CSNK1A1: variants seen among roughly 807,000 people sequenced by gnomAD.
The protein encoded by CSNK1A1 is casein kinase I isoform alpha.
A neutral mutation model predicts 46.1 loss-of-function variants in CSNK1A1; 7 were observed. That is an observed-to-expected ratio of 0.15 (90% CI 0.09 to 0.29). The LOEUF is 0.29. CSNK1A1 is among the 10% of genes least tolerant of loss of function. The pLI is 1.00. For synonymous variants in CSNK1A1, 137 were observed against 141.5 expected, an observed-to-expected ratio of 0.97 and a Z score of 0.23; for missense variants, 96 against 417.1, an observed-to-expected ratio of 0.23 and a Z score of 6.71.
chr5:149,498,162 T>C (rs1160926210), intron 9 of CSNK1A1: 1 of 985,226 alleles, frequency 1.0e-6, no homozygotes, highest in African/African-American at 1.7e-5. Context: ...TGTTGGGCCA[T>C]CTCCCATGGG....
chr5:149,512,255 A>T (rs1262874324), intron 5 of CSNK1A1, among the ~76,000 whole-genome samples: 1 of 152,138 alleles, frequency 6.6e-6, no homozygotes, highest in Non-Finnish European at 1.5e-5. Flanking sequence ...CTAATTGAAC[A>T]TCTATATGAA....
chr5:149,531,209 G>A (rs12522122), intron 2 of CSNK1A1, among the ~76,000 whole-genome samples: 38,097 of 151,884 alleles, frequency 0.25, 5,308 homozygotes, highest in Admixed American at 0.4. Context: ...CAATTATAGC[G>A]AAATTGAACT....
At chr5:149,526,778 A>AG (rs539537762) in intron 2 of CSNK1A1, among the ~76,000 whole-genome samples, 2,744 of 151,776 alleles carry the variant, frequency 0.018, 35 homozygotes, top group Non-Finnish European at 0.027. Context: ...CACCTGAGAA[A>AG]GGGGGGGGAG....
intron 9 of CSNK1A1, chr5:149,503,619 A>G (rs1760940308): frequency 1.0e-6 from 1 of 985,320 alleles, no homozygotes; most frequent in Non-Finnish European, 1.2e-6. Context: ...ACAATACAAA[A>G]TAAGGATTAA....
chr5:149,505,309 G>A (rs1358003904), intron 9 of CSNK1A1, 138 bp downstream of exon 9: 14 of 1,421,208 alleles, frequency 9.9e-6, no homozygotes, highest in Middle Eastern at 1.8e-4. Flanking sequence ...TTCCAAGGAC[G>A]TCTTTTTTTT....
At chr5:149,549,461 G>A (rs1044807816) in intron 2 of CSNK1A1, 1 of 702,294 alleles carries the variant, frequency 1.4e-6, no homozygotes, top group East Asian at 2.7e-5. Flanking sequence ...CCTCCACACC[G>A]CCTCCTGCAG....
chr5:149,500,731 GTGTGGT>G (rs1258784083), intron 9 of CSNK1A1, among the ~76,000 whole-genome samples: 2 of 151,850 alleles, frequency 1.3e-5, no homozygotes, highest in African/African-American at 4.8e-5. Context: ...CTGGCTGCTT[GTGTGGT>G]TCTGTTTGTT....
At chr5:149,518,028 T>C (rs1164941325) in intron 4 of CSNK1A1, among the ~76,000 whole-genome samples, 1 of 152,216 alleles carries the variant, frequency 6.6e-6, no homozygotes, top group African/African-American at 2.4e-5. Flanking sequence ...GCTTCTCAGT[T>C]TTCCAAATAA....
At chr5:149,537,482 T>C (rs946813245) in intron 2 of CSNK1A1, among the ~76,000 whole-genome samples, 4 of 152,098 alleles carry the variant, frequency 2.6e-5, no homozygotes, top group Admixed American at 2.6e-4. Context: ...ATTCACTAAC[T>C]ACCCTCAACA....
At chr5:149,543,883 G>C (rs945446342) in intron 2 of CSNK1A1, among the ~76,000 whole-genome samples, 15 of 152,150 alleles carry the variant, frequency 9.9e-5, no homozygotes, top group Non-Finnish European at 5.9e-5. Flanking sequence ...CCGGGTGACA[G>C]AGCAAGAACC....
In CSNK1A1 at chr5:149,493,486, GGTCTA is replaced by G; in HGVS notation, c.*3362_*3366del. Reference sequence around the variant, plus strand: ...TACTTTTGAGTATGTCCTCAAAACTGGTCTAACAAGTCATTTCAGAAAATAATTTC... The same window carrying G: ...TACTTTTGAGTATGTCCTCAAAACTGACAAGTCATTTCAGAAAATAATTTC... On this transcript the variant is annotated 3_prime_UTR_variant, in exon 10 of 10. Transcript: ENST00000377843. The G allele has an allele frequency of 6.6e-6, 1 of 150,960 alleles. No individual in the cohort carries two copies. Among genetic ancestry groups the G allele is most frequent in the Middle Eastern group, 3.4e-3 (1 of 292 alleles). The allele number at this position is 150,960 out of a possible 1,614,324, so 9.4% of individuals were successfully genotyped here.
chr5:149,517,687 C>G lies in CSNK1A1; in HGVS notation c.456+2603G>C. 1 of 716,094 alleles carries G rather than the reference C, an allele frequency of 1.4e-6. No individual in the cohort carries two copies. The highest frequency in any genetic ancestry group is 2.4e-6 in the Non-Finnish European group (1 of 419,644). The allele number at this position is 716,094 out of a possible 1,614,324, so 44.4% of individuals were successfully genotyped here. ...AACGTAAGAGGTGCTTGAGCAAGATCTACATTCTCCAGAATTAAAACAAAA... is the reference window on the plus strand; with the variant it reads ...AACGTAAGAGGTGCTTGAGCAAGATGTACATTCTCCAGAATTAAAACAAAA... On this transcript the variant is annotated intron_variant, in intron 4 of 9. Transcript: ENST00000377843. This position sits in a 1 kb window ranked among gnomAD's most constrained non-coding sequence, Gnocchi z 4.4.
chr5:149,505,309 G>T (rs1358003904), intron 9 of CSNK1A1, 138 bp downstream of exon 9: 9 of 1,421,092 alleles, frequency 6.3e-6, no homozygotes, highest in Non-Finnish European at 8.3e-6. Context: ...TTCCAAGGAC[G>T]TCTTTTTTTT....
rs183999539 is a variant in CSNK1A1 at position 149,542,293 on chromosome 5, G to C, written c.230+7782C>G. 3.7e-3 allele frequency among the ~76,000 whole-genome samples: 561 copies of C among 152,058 alleles called. 9 individuals carry two copies. The South Asian group carries it at 0.049, about 13-fold the overall frequency. On this transcript the variant is annotated intron_variant, in intron 2 of 9. Transcript: ENST00000377843. ...CCCAGATGGAAGCAGGTAGTTGCAGGAAAGCAAGCCCAGGGCTCCCATTGA... is the reference window on the plus strand; with the variant it reads ...CCCAGATGGAAGCAGGTAGTTGCAGCAAAGCAAGCCCAGGGCTCCCATTGA...
At chr5:149,510,348 T>G (rs929905526) in intron 6 of CSNK1A1, among the ~76,000 whole-genome samples, 4 of 152,164 alleles carry the variant, frequency 2.6e-5, no homozygotes, top group Non-Finnish European at 4.4e-5. Context: ...TAATTCCCTG[T>G]GGCCTCCAAC....
chr5:149,534,536 G>A (rs567486916), intron 2 of CSNK1A1, among the ~76,000 whole-genome samples: 282 of 150,436 alleles, frequency 1.9e-3, no homozygotes, highest in Non-Finnish European at 3.5e-3. Context: ...GTTAGCACCT[G>A]GGCTAAATTT....
At chr5:149,510,037 A>G (rs1171663823) in intron 6 of CSNK1A1, 84 bp from the exon 7 acceptor site, 2 of 827,968 alleles carry the variant, frequency 2.4e-6, no homozygotes, top group Admixed American at 5.7e-5. Context: ...ACATATAAAC[A>G]TATACCTGTG....
rs1166457620 is a variant in CSNK1A1 at position 149,495,042 on chromosome 5, A to C, written c.*1811T>G. 1 of 152,202 alleles carries C rather than the reference A, an allele frequency of 6.6e-6. No individual in the cohort carries two copies. The highest frequency in any genetic ancestry group is 2.4e-5 in the African/African-American group (1 of 41,458). 9.4% of individuals were successfully genotyped at this position (152,202 alleles called of 1,614,324 possible). A position where few individuals can be genotyped will look rare whatever the true frequency, so the allele number is the denominator to read the frequency against. On this transcript the variant is annotated 3_prime_UTR_variant, in exon 10 of 10. Coordinates refer to ENST00000377843, the MANE Select transcript of CSNK1A1 (RefSeq NM_001892.6). ...GGCTAAAAGTATCAAAGGGTTTATT[A>C]GTCAAGAAACAAATACCTCAACCGA...
At chr5:149,515,421 C>A (rs909358410) in intron 4 of CSNK1A1, among the ~76,000 whole-genome samples, 1 of 152,158 alleles carries the variant, frequency 6.6e-6, no homozygotes, top group Non-Finnish European at 1.5e-5. Flanking sequence ...CCTCCCACAA[C>A]GCTAAAGGAG....
Sources: allele counts gnomAD v4.1 joint callset (sites outside exome capture counted in the v4.1 genomes callset), GRCh38; gene constraint gnomAD v4.1.1; non-coding constraint Gnocchi (gnomAD v3.1); transcripts MANE v1.5; gene names NCBI Gene and HGNC (gene_info 2026-07-23, HGNC 2026-07-21).